Variants in VWA8 observed in about 807,000 individuals in gnomAD.
VWA8 encodes the protein von Willebrand factor A domain containing 8, also known as von Willebrand factor A domain-containing protein 8.
In VWA8, 221 loss-of-function variants were observed where a neutral mutation model predicts 241.5. That is an observed-to-expected ratio of 0.91 (90% confidence interval 0.82 to 1.02). The LOEUF (loss-of-function observed/expected upper bound fraction) is 1.02. Ranked by LOEUF, VWA8 falls within the 50% of genes least tolerant of loss-of-function variation. The pLI is 0.00. For synonymous variants in VWA8, 852 were observed against 827.1 expected (o/e 1.03, Z -0.52); for missense variants, 2,322 against 2,328.7 (o/e 1.00, Z 0.06).
intron 8 of VWA8, 22 bp from the exon 9 acceptor site, chr13:41,883,513 T>C (rs1388867658): frequency 5.2e-6 from 8 of 1,540,974 alleles, no homozygotes; most frequent in South Asian, 1.1e-5. Context: ...CAAAAATACA[T>C]AGGAATGAGC....
Position 41,721,530 on chromosome 13 carries a change from G to C in VWA8, c.2804C>G (p.Ser935Trp). 1 of 1,613,756 alleles carries C rather than the reference G, an allele frequency of 6.2e-7. No individual in the cohort carries two copies. Among genetic ancestry groups the C allele is most frequent in the South Asian group, 1.1e-5 (1 of 91,064 alleles). The part of the protein sequence containing the change: ...CHAVDNPKPH[S>W]ELEMLRQYGP... ...ATACTGTCTGAGCATCTCGAGCTCC[G>C]AGTGGGGTTTGGGGTTATCAACTGC... Residue 935 changes from serine (S) to tryptophan (W), a missense_variant, in exon 25 of 45, where the codon TCG (serine) becomes TGG (tryptophan). Ser to Trp is a radical substitution (Grantham distance 177). Coordinates refer to ENST00000379310, the MANE Select transcript of VWA8 (RefSeq NM_015058.2).
chr13:41,739,848 G>GTTTTTTTTTTTTT, intron 21 of VWA8, among the ~76,000 whole-genome samples: 1 of 50,894 alleles, frequency 2.0e-5, no homozygotes, highest in Non-Finnish European at 4.4e-5. Context: ...TGTTTTTTTT[G>GTTTTTTTTTTTTT]TTTTTTTTGT....
intron 37 of VWA8, among the ~76,000 whole-genome samples, chr13:41,636,038 A>C (rs984856329): frequency 2.0e-5 from 3 of 152,196 alleles, no homozygotes; most frequent in Admixed American, 6.5e-5. Context: ...ATCAAAGCCG[A>C]ATAAACCAAT....
intron 37 of VWA8, among the ~76,000 whole-genome samples, chr13:41,649,048 G>T (rs1237753876): frequency 6.6e-6 from 1 of 151,254 alleles, no homozygotes; most frequent in East Asian, 1.9e-4. Context: ...GCTGGGCGTG[G>T]TGGGGGGGTG....
chr13:41,890,868 A>AGGAAGGAT (rs1487901876), intron 5 of VWA8, among the ~76,000 whole-genome samples: 2 of 152,212 alleles, frequency 1.3e-5, no homozygotes, highest in African/African-American at 4.8e-5. Context: ...AGTGTCAGGA[A>AGGAAGGAT]GGAAGGATGG....
At chr13:41,596,986 T>TTA (rs1014266023) in intron 40 of VWA8, among the ~76,000 whole-genome samples, 10 of 152,104 alleles carry the variant, frequency 6.6e-5, no homozygotes. Flanking sequence ...ACTTTTTTTT[T>TTA]ACCTACAAAC....
intron 3 of VWA8, 43 bp downstream of exon 3, chr13:41,911,995 C>G (rs1252140581): frequency 6.9e-7 from 1 of 1,451,912 alleles, no homozygotes; most frequent in East Asian, 2.4e-5. Flanking sequence ...TCATAGCTTA[C>G]AAAGTTAAGA....
intron 12 of VWA8, among the ~76,000 whole-genome samples, chr13:41,856,082 T>A (rs1872734393): frequency 6.6e-6 from 1 of 152,208 alleles, no homozygotes; most frequent in Admixed American, 6.5e-5. Context: ...AAGCCTATAG[T>A]CTCAGCACTT....
At chr13:41,897,423 A>T (rs965078154) in intron 4 of VWA8, among the ~76,000 whole-genome samples, 5 of 152,230 alleles carry the variant, frequency 3.3e-5, no homozygotes, top group Non-Finnish European at 7.4e-5. Flanking sequence ...GAGGATGTGG[A>T]GAAAAGAGAA....
chr13:41,886,925 G>T, intron 6 of VWA8, 95 bp from the exon 7 acceptor site: 1 of 1,000,854 alleles, frequency 1.0e-6, no homozygotes, highest in Non-Finnish European at 1.5e-6. Flanking sequence ...TTTTAATTAA[G>T]CAGACACTAA....
rs1332761725 is a variant in VWA8 at position 41,914,840 on chromosome 13, GC to G, written c.242-2673del. ...AATTTGTAAAGTTCTAGAAGTTCAAGCCAAGTTGGTTTCTTTAACTTCCTCC... is the reference window on the plus strand; with the variant it reads ...AATTTGTAAAGTTCTAGAAGTTCAAGCAAGTTGGTTTCTTTAACTTCCTCC... On this transcript the variant is annotated intron_variant, in intron 2 of 44. Transcript: ENST00000379310. Among the ~76,000 whole-genome samples, 3 of 152,290 alleles carry G rather than the reference GC, an allele frequency of 2.0e-5. No homozygotes were observed. The South Asian group carries it at 6.2e-4, about 32-fold the overall frequency.
At chr13:41,686,698 T>C (rs2045138654) in intron 34 of VWA8, among the ~76,000 whole-genome samples, 1 of 152,180 alleles carries the variant, frequency 6.6e-6, no homozygotes, top group East Asian at 1.9e-4. Flanking sequence ...TAATGTATTT[T>C]GTTACCCTTC....
In VWA8 at chr13:41,699,178, A is replaced by G. The variant is rs756323521; in HGVS notation, c.3457T>C (p.Phe1153Leu). 1.2e-6 allele frequency: 2 copies of G among 1,614,198 alleles called. No homozygotes were observed. The highest frequency in any genetic ancestry group is 1.7e-6 in the Non-Finnish European group (2 of 1,180,016). ...GCTGTTCTTGGGAAGATATCAAAAAAGTCCACAAAGAAGCCACTTTTCCCA... is the reference window on the plus strand; with the variant it reads ...GCTGTTCTTGGGAAGATATCAAAAAGGTCCACAAAGAAGCCACTTTTCCCA... ...MTGKSGFFVDFFDIFPRTANG... is the reference protein window; with the variant it reads ...MTGKSGFFVDLFDIFPRTANG... Residue 1153 changes from phenylalanine (F) to leucine (L), a missense_variant, in exon 29 of 45, where the codon TTT (phenylalanine) becomes CTT (leucine). Phe to Leu is a conservative substitution (Grantham distance 22, BLOSUM62 0). Coordinates refer to ENST00000379310, the MANE Select transcript of VWA8 (RefSeq NM_015058.2).
intron 37 of VWA8, among the ~76,000 whole-genome samples, chr13:41,667,492 A>G (rs1296119822): frequency 6.6e-6 from 1 of 152,244 alleles, no homozygotes; most frequent in Non-Finnish European, 1.5e-5. Context: ...TTGTTAAAGA[A>G]TATACTACTT....
At chr13:41,691,781 A>G in intron 31 of VWA8, 93 bp downstream of exon 31, 1 of 1,031,092 alleles carries the variant, frequency 9.7e-7, no homozygotes. Flanking sequence ...ATTTGGTTAC[A>G]TTCACTTTAT....
In VWA8 at chr13:41,843,331, T is replaced by G. The variant is rs1245320903; in HGVS notation, c.1426-9800A>C. Among the ~76,000 whole-genome samples the G allele has an allele frequency of 3.9e-5, 6 of 152,176 alleles. 1 individual carries two copies. The highest frequency in any genetic ancestry group is 2.0e-4 in the Admixed American group (3 of 15,276). The stretch of plus-strand genomic sequence containing the variant: ...TCCCTTAGAAAAACAGGTGTGAAAG[T>G]AGCAATAAATTCTAGTTTAAGTATC... On this transcript the variant is annotated intron_variant, in intron 12 of 44. Transcript: ENST00000379310.
chr13:41,885,974 A>G lies in VWA8; in HGVS notation c.921T>C (p.Thr307=), dbSNP rs200960847. Residue 307 remains threonine, a synonymous_variant, in exon 8 of 45, where the codon ACT becomes ACC. Coordinates refer to ENST00000379310, the MANE Select transcript of VWA8 (RefSeq NM_015058.2). ...CTAAAGGAAAGTCTGGAAGTCCAAGAGTAGAAGATTCTTGGGAACACAGAG... is the reference window on the plus strand; with the variant it reads ...CTAAAGGAAAGTCTGGAAGTCCAAGGGTAGAAGATTCTTGGGAACACAGAG... ...ATTLCSQESS[T]LGLPDFPLDS... 1.4e-5 allele frequency: 23 copies of G among 1,607,884 alleles called. No individual in the cohort carries two copies. In the Admixed American group the frequency reaches 3.3e-4, roughly 23 times the overall value.
At chr13:41,656,171 T>TG (rs1376487689) in intron 37 of VWA8, among the ~76,000 whole-genome samples, 1 of 152,240 alleles carries the variant, frequency 6.6e-6, no homozygotes, top group Non-Finnish European at 1.5e-5. Context: ...TTCTGAGTAA[T>TG]GACTTATATG....
rs1416255795 is a variant in VWA8 at position 41,569,164 on chromosome 13, A to C, written c.5610-859T>G. On this transcript the variant is annotated intron_variant, in intron 44 of 44. Transcript: ENST00000379310. ...GTATATTTGGCATGCCTGGTAAGCC[A>C]GCTAATTCTGCAACATATCTTTTGC... 2.0e-5 allele frequency among the ~76,000 whole-genome samples: 3 copies of C among 152,094 alleles called. No homozygotes were observed. The East Asian group carries it at 5.8e-4, about 29-fold the overall frequency.
Sources: allele counts gnomAD v4.1 joint callset (sites outside exome capture counted in the v4.1 genomes callset), GRCh38; gene constraint gnomAD v4.1.1; transcripts MANE v1.5; gene names NCBI Gene and HGNC (gene_info 2026-07-23, HGNC 2026-07-21).